STYXL1: variants seen among roughly 807,000 people sequenced by gnomAD.
STYXL1 encodes the protein serine/threonine/tyrosine-interacting-like protein 1.
In STYXL1, 32 loss-of-function variants were observed where a neutral mutation model predicts 36.4. The ratio of observed to expected loss-of-function variants is 0.88; its 90% confidence interval spans 0.66 to 1.18. The LOEUF (loss-of-function observed/expected upper bound fraction) is 1.18, where lower values mean the gene tolerates loss of function less well. STYXL1 is among the 50% of genes most tolerant of loss of function. The pLI is 0.00. For synonymous variants in STYXL1, 133 were observed against 144.1 expected, an observed-to-expected ratio of 0.92 and a Z score of 0.55; for missense variants, 354 against 394.1, an observed-to-expected ratio of 0.90 and a Z score of 0.86.
intron 1 of STYXL1, among the ~76,000 whole-genome samples, chr7:76,040,823 T>TA (rs35135560): frequency 7.0e-4 from 84 of 119,770 alleles, no homozygotes; most frequent in Non-Finnish European, 9.2e-4. Context: ...GCAACACAGC[T>TA]AAAAAAAAAA....
At chr7:76,035,570 G>A (rs1327137498) in intron 1 of STYXL1, among the ~76,000 whole-genome samples, 1 of 149,686 alleles carries the variant, frequency 6.7e-6, no homozygotes, top group East Asian at 1.9e-4. Context: ...TTCCACGTGT[G>A]GATTCCTCTT....
chr7:76,027,770 C>T (rs1794883637), intron 3 of STYXL1, among the ~76,000 whole-genome samples: 1 of 152,084 alleles, frequency 6.6e-6, no homozygotes, highest in Non-Finnish European at 1.5e-5. Context: ...TCTGTTGTAT[C>T]CCCAGGGTCT....
intron 5 of STYXL1, 80 bp from the exon 6 acceptor site, chr7:76,005,484 G>A: frequency 1.4e-6 from 2 of 1,398,534 alleles, no homozygotes; most frequent in Non-Finnish European, 2.0e-6. Flanking sequence ...ACACAGCTCA[G>A]CAAACGAGCG....
At chr7:76,030,313 C>T in intron 2 of STYXL1, 108 bp downstream of exon 2, 1 of 802,292 alleles carries the variant, frequency 1.2e-6, no homozygotes, top group Non-Finnish European at 2.1e-6. Context: ...GATCCCTGTT[C>T]TAAAGTCATT....
chr7:76,026,455 T>C (rs1245576950), intron 3 of STYXL1, among the ~76,000 whole-genome samples: 6 of 151,874 alleles, frequency 4.0e-5, no homozygotes, highest in Non-Finnish European at 8.8e-5. Context: ...AATTTTTCAA[T>C]TTTTTTGTAG....
At chr7:76,026,249 G>A (rs887861550) in intron 3 of STYXL1, among the ~76,000 whole-genome samples, 2 of 134,440 alleles carry the variant, frequency 1.5e-5, no homozygotes, top group Non-Finnish European at 3.2e-5. Flanking sequence ...ACAGGGTGTG[G>A]AAAAGTACAG....
intron 3 of STYXL1, among the ~76,000 whole-genome samples, chr7:76,025,801 G>C (rs1391090716): frequency 6.6e-6 from 1 of 151,524 alleles, no homozygotes; most frequent in Non-Finnish European, 1.5e-5. Context: ...AACACAAAAA[G>C]ACAAAAAGAC....
intron 5 of STYXL1, among the ~76,000 whole-genome samples, chr7:76,006,286 C>G (rs182846177): frequency 1.5e-3 from 227 of 152,134 alleles, no homozygotes; most frequent in Non-Finnish European, 2.9e-3. Context: ...CTATGTTGCC[C>G]AAGCTGTCCT....
intron 5 of STYXL1, among the ~76,000 whole-genome samples, chr7:76,009,250 A>C: frequency 6.6e-6 from 1 of 151,188 alleles, no homozygotes; most frequent in Non-Finnish European, 1.5e-5. Flanking sequence ...CCTTCCCCCA[A>C]AACCACCTCC....
At chr7:76,005,845 AGAGAGAGGAG>A (rs1435691676) in intron 5 of STYXL1, among the ~76,000 whole-genome samples, 1 of 19,528 alleles carries the variant, frequency 5.1e-5, no homozygotes, top group Non-Finnish European at 1.3e-4. Context: ...AGGAGGAGGA[AGAGAGAGGAG>A]GAGAGAGGAG....
chr7:76,031,625 G>A (rs1017124610), intron 1 of STYXL1, among the ~76,000 whole-genome samples: 5 of 150,842 alleles, frequency 3.3e-5, no homozygotes, highest in African/African-American at 1.2e-4. Context: ...TGAGGCAGGA[G>A]AATCACTTGA....
chr7:76,045,134 T>G (rs992340483), intron 1 of STYXL1: 1 of 152,276 alleles, frequency 6.6e-6, no homozygotes, highest in East Asian at 1.9e-4. Context: ...TCCCTCTTTA[T>G]GTATTTTCCA....
chr7:76,017,880 A>AAAAAAAAAAAAAC (rs1585245062), intron 4 of STYXL1, among the ~76,000 whole-genome samples: 1 of 147,414 alleles, frequency 6.8e-6, no homozygotes, highest in African/African-American at 2.5e-5. Context: ...AAAAAAAAAA[A>AAAAAAAAAAAAAC]AGGCAAGACA....
intron 4 of STYXL1, among the ~76,000 whole-genome samples, chr7:76,016,432 CAT>C (rs1239350837): frequency 1.4e-5 from 2 of 147,168 alleles, no homozygotes; most frequent in African/African-American, 5.4e-5. Context: ...CACATATATA[CAT>C]ATATACGCAT....
chr7:76,003,819 C>T lies in STYXL1; in HGVS notation c.636G>A (p.Arg212=). 2 of 1,614,206 alleles carry T rather than the reference C, an allele frequency of 1.2e-6. No individual in the cohort carries two copies. Among genetic ancestry groups the T allele is most frequent in the Non-Finnish European group, 1.7e-6 (2 of 1,180,042 alleles). The part of the protein sequence containing the change: ...AGDADKLLHI[R]IEDSPEAQIL... ...TCTGGGCTTCCGGGGAATCTTCTAT[C>T]CGGATGTGCAGAAGCTTGTCAGCAT... is the stretch of plus-strand genomic sequence containing the variant. The change falls in exon 7 of 9, where the codon CGG becomes CGA. Residue 212 remains arginine (R), a synonymous_variant. Transcript: ENST00000359697.
At chr7:76,021,325 C>T (rs1554576116) in intron 4 of STYXL1, among the ~76,000 whole-genome samples, 2 of 152,142 alleles carry the variant, frequency 1.3e-5, no homozygotes, top group African/African-American at 4.8e-5. Flanking sequence ...TTGTGATCCG[C>T]CCGCCTCGGC....
chr7:76,006,579 C>A (rs1006815282), intron 5 of STYXL1, among the ~76,000 whole-genome samples: 7 of 151,862 alleles, frequency 4.6e-5, no homozygotes, highest in African/African-American at 1.7e-4. Context: ...CTGGCTAACA[C>A]GGTGAAACCT....
chr7:76,047,014 C>G (rs1481816033), intron 1 of STYXL1, among the ~76,000 whole-genome samples: 4 of 151,376 alleles, frequency 2.6e-5, no homozygotes, highest in African/African-American at 9.7e-5. Context: ...GTAATCTCAG[C>G]ACTTTGGGAG....
At chr7:76,030,681 G>T (rs1795230546) in intron 1 of STYXL1, among the ~76,000 whole-genome samples, 154 bp from the exon 2 acceptor site, 1 of 152,034 alleles carries the variant, frequency 6.6e-6, no homozygotes, top group Non-Finnish European at 1.5e-5. Context: ...AAACTGTATA[G>T]TGAAATATAG....
Sources: gnomAD v4.1 joint callset for allele counts (sites outside exome capture counted in the v4.1 genomes callset) on GRCh38, gnomAD v4.1.1 for gene constraint, MANE v1.5 for transcripts, NCBI Gene and HGNC (gene_info 2026-07-23, HGNC 2026-07-21) for gene names.